The following MAP3K10 variants were observed in gnomAD, a reference collection of about 807,000 sequenced individuals.
The protein encoded by MAP3K10 is mitogen-activated protein kinase kinase kinase 10.
A neutral mutation model predicts 75.0 loss-of-function variants in MAP3K10; 22 were observed. The observed-to-expected ratio is 0.29, with a 90% CI of 0.21 to 0.42. The LOEUF (loss-of-function observed/expected upper bound fraction) is 0.42, where lower values mean the gene tolerates loss of function less well. Among genes scored for constraint, MAP3K10 ranks in the 10% least tolerant of loss-of-function variants. The pLI is 1.00. For synonymous variants in MAP3K10, 599 were observed against 612.9 expected (o/e 0.98, Z 0.34); for missense variants, 1,165 against 1,379.8 (o/e 0.84, Z 2.47).
chr19:40,214,931 GCCCCA>G, intron 9 of MAP3K10, 34 bp from the exon 10 acceptor site: 1 of 937,970 alleles, frequency 1.1e-6, no homozygotes, highest in Non-Finnish European at 1.7e-6. Flanking sequence ...GCCACCCTCT[GCCCCA>G]CCCCACTCAC....
chr19:40,202,916 G>A (rs530760744), intron 2 of MAP3K10, among the ~76,000 whole-genome samples: 3 of 152,358 alleles, frequency 2.0e-5, no homozygotes, highest in African/African-American at 7.2e-5. Context: ...CAGGCAGCAT[G>A]TGGCCAGCTC....
At position 40,194,207 on chromosome 19, in the gene MAP3K10, A is replaced by G. The variant is rs986609882; in HGVS notation, c.682+1494A>G. 2.6e-5 allele frequency among the ~76,000 whole-genome samples: 4 copies of G among 152,170 alleles called. 1 individual carries two copies. Among genetic ancestry groups the G allele is most frequent in the Admixed American group, 2.6e-4 (4 of 15,266 alleles). On this transcript the variant is annotated intron_variant, in intron 1 of 9. Coordinates refer to ENST00000253055, the MANE Select transcript of MAP3K10 (RefSeq NM_002446.4). ...GAAACCCCTTCTCTACTAAAAATACAAAAATTAGCTGGGCATGGTGGCATG... is the reference window on the plus strand; with the variant it reads ...GAAACCCCTTCTCTACTAAAAATACGAAAATTAGCTGGGCATGGTGGCATG...
At chr19:40,206,453 A>C in intron 5 of MAP3K10, 1 of 253,130 alleles carries the variant, frequency 4.0e-6, no homozygotes, top group Non-Finnish European at 7.4e-6. Flanking sequence ...GCATGCACTT[A>C]TAGTCCAAGC....
chr19:40,213,538 A>T lies in MAP3K10; in HGVS notation c.1859A>T (p.Asp620Val), dbSNP rs1023755963. The change falls in exon 9 of 10, where the codon GAT (aspartate) becomes GTT (valine). Residue 620 changes from aspartate to valine, a missense_variant. Coordinates refer to ENST00000253055, the MANE Select transcript of MAP3K10 (RefSeq NM_002446.4). This position sits in a 1 kb window ranked among gnomAD's most constrained non-coding sequence, Gnocchi z 5.7. ...GCAGAGGAGTTCGCGGAGGCAGAGG[A>T]TGGAGGCAGCAGCGTGCCCCCTTCC... ...NEMEEFAEAE[D>V]GGSSVPPSPY... 5.0e-6 allele frequency: 8 copies of T among 1,611,586 alleles called. No homozygotes were observed. In the African/African-American group the frequency reaches 9.4e-5, roughly 19 times the overall value.
Position 40,215,426 on chromosome 19 carries a change from G to A in MAP3K10, c.*134G>A. 1 of 831,348 alleles carries A rather than the reference G, an allele frequency of 1.2e-6. No homozygotes were observed. The highest frequency in any genetic ancestry group is 1.8e-6 in the Non-Finnish European group (1 of 544,076). The allele number at this position is 831,348 out of a possible 1,614,324, so 51.5% of individuals were successfully genotyped here. On this transcript the variant is annotated 3_prime_UTR_variant, in exon 10 of 10. Coordinates refer to ENST00000253055, the MANE Select transcript of MAP3K10 (RefSeq NM_002446.4). ...TATTTATTGGGGAAGGAGGGAGGGG[G>A]GGGACACTTAACTTATTCCTTTGTA...
rs573599807 is a variant in MAP3K10, at chr19:40,207,968, C to T, written c.1436-1135C>T. On this transcript the variant is annotated intron_variant, in intron 5 of 9. Transcript: ENST00000253055. The stretch of plus-strand genomic sequence containing the variant: ...GTCTTGAACTCCTGCGCTCAGGCAG[C>T]GCTCCCACTTTGGCCTCCCAAAGTG... Among the ~76,000 whole-genome samples the T allele has an allele frequency of 1.2e-3, 182 of 151,980 alleles. 5 individuals carry two copies. The South Asian group carries it at 0.036, about 30-fold the overall frequency.
At position 40,215,078 on chromosome 19, in the gene MAP3K10, C is replaced by T. The variant is rs1973326984; in HGVS notation, c.2651C>T (p.Ala884Val). The stretch of plus-strand genomic sequence containing the variant: ...GGCCGCCCCACCACCCTGACCTTTG[C>T]CCCGAGACCTCGGCCGGCTGCCAGT... ...FPGRPTTLTF[A>V]PRPRPAASRP... Residue 884 changes from alanine (A) to valine (V), a missense_variant, in exon 10 of 10, where the codon GCC (alanine) becomes GTC (valine). Around this residue, in one of 2 missense-constraint regions of MAP3K10, gnomAD observed 590 missense variants for 586.6 expected, o/e 1.01. Coordinates refer to ENST00000253055, the MANE Select transcript of MAP3K10 (RefSeq NM_002446.4). The T allele has an allele frequency of 6.2e-7, 1 of 1,609,866 alleles. No individual in the cohort carries two copies.
chr19:40,209,347 T>G lies in MAP3K10; in HGVS notation c.1552+128T>G. 3 of 611,466 alleles carry G rather than the reference T, an allele frequency of 4.9e-6. No individual in the cohort carries two copies. In the South Asian group the frequency reaches 6.6e-5, roughly 13 times the overall value. The allele number at this position is 611,466 out of a possible 1,614,324, so 37.9% of individuals were successfully genotyped here. On this transcript the variant is annotated intron_variant, in intron 6 of 9. Coordinates refer to ENST00000253055, the MANE Select transcript of MAP3K10 (RefSeq NM_002446.4). ...AAGACAGACAAGGCCCTTTTCCTCATTCTTATCACAGGAAACAGATAGTAA... is the reference window on the plus strand; with the variant it reads ...AAGACAGACAAGGCCCTTTTCCTCAGTCTTATCACAGGAAACAGATAGTAA...
intron 6 of MAP3K10, among the ~76,000 whole-genome samples, 155 bp downstream of exon 6, chr19:40,209,374 CAAAT>C (rs369973713): frequency 4.0e-5 from 6 of 151,844 alleles, no homozygotes; most frequent in Admixed American, 1.3e-4. Flanking sequence ...AGATAGTAAA[CAAAT>C]AAGTCAGTAA....
At chr19:40,199,025 C>A (rs1972969174) in intron 2 of MAP3K10, among the ~76,000 whole-genome samples, 1 of 152,102 alleles carries the variant, frequency 6.6e-6, no homozygotes. Flanking sequence ...CTGGGATTGG[C>A]CACTGCACTC....
Position 40,214,010 on chromosome 19 carries a change from A to ACCCACC in MAP3K10, c.2334_2335insACCCCC (p.Pro778_Ser779insThrPro). ...CCGCACCGGCCGCGCCCTCCCCACC[A>ACCCACC]CCCTCCCCGCCCGCGCCCACACCCA... On this transcript the variant is annotated inframe_insertion, in exon 9 of 10. Transcript: ENST00000253055. The ACCCACC allele has an allele frequency of 1.4e-6, 1 of 726,370 alleles. No homozygotes were observed. 45.0% of individuals were successfully genotyped at this position (726,370 alleles called of 1,614,324 possible). A position where few individuals can be genotyped will look rare whatever the true frequency, so the allele number is the denominator to read the frequency against.
rs372648324 is a variant in MAP3K10 at position 40,205,081 on chromosome 19, C to T, written c.1013-40C>T. ...AGTCCCCAGAGCATGACCACTGACACCTCCATGCCCCACCACTGTCCTTCC... is the reference window on the plus strand; with the variant it reads ...AGTCCCCAGAGCATGACCACTGACATCTCCATGCCCCACCACTGTCCTTCC... On this transcript the variant is annotated intron_variant, in intron 3 of 9. Transcript: ENST00000253055. This position sits in a 1 kb window ranked among gnomAD's most constrained non-coding sequence, Gnocchi z 4.3. 1.7e-5 allele frequency: 27 copies of T among 1,589,618 alleles called. No individual in the cohort carries two copies. Among genetic ancestry groups the T allele is most frequent in the Non-Finnish European group, 2.3e-5 (27 of 1,160,118 alleles).
chr19:40,209,237 C>T lies in MAP3K10; in HGVS notation c.1552+18C>T. On this transcript the variant is annotated intron_variant, in intron 6 of 9. Transcript: ENST00000253055. Reference sequence around the variant, plus strand: ...CATTCGCCGTGAGTATCTCCCAAGGCCCTGACCAGTCAGTCAGTCAGTGAA... The same window carrying T: ...CATTCGCCGTGAGTATCTCCCAAGGTCCTGACCAGTCAGTCAGTCAGTGAA... 6.3e-7 allele frequency: 1 copy of T among 1,595,658 alleles called. No individual in the cohort carries two copies. The highest frequency in any genetic ancestry group is 8.6e-7 in the Non-Finnish European group (1 of 1,163,944).
chr19:40,213,338 T>A lies in MAP3K10; in HGVS notation c.1837+150T>A, dbSNP rs1973276577. 6.9e-7 allele frequency: 1 copy of A among 1,445,478 alleles called. No homozygotes were observed. The highest frequency in any genetic ancestry group is 9.1e-7 in the Non-Finnish European group (1 of 1,104,054). The allele number at this position is 1,445,478 out of a possible 1,614,324, so 89.5% of individuals were successfully genotyped here. A position where few individuals can be genotyped will look rare whatever the true frequency, so the allele number is the denominator to read the frequency against. On this transcript the variant is annotated intron_variant, in intron 8 of 9. Coordinates refer to ENST00000253055, the MANE Select transcript of MAP3K10 (RefSeq NM_002446.4). The surrounding 1 kb of genome is among the most constrained non-coding windows in gnomAD (Gnocchi z 5.7). ...ATGGTGGCCCCTGGGGCGTGGGGGG[T>A]CATTTCCAGGGGCAGGGACCACCCT...
At chr19:40,201,420 C>G (rs1169546074) in intron 2 of MAP3K10, among the ~76,000 whole-genome samples, 1 of 150,792 alleles carries the variant, frequency 6.6e-6, no homozygotes, top group Non-Finnish European at 1.5e-5. Context: ...GCCTTGATCT[C>G]TTGACCTCAT....
chr19:40,198,310 G>A lies in MAP3K10; in HGVS notation c.683-65G>A. The A allele has an allele frequency of 1.3e-6, 2 of 1,485,032 alleles. No individual in the cohort carries two copies. Among genetic ancestry groups the A allele is most frequent in the East Asian group, 4.6e-5 (2 of 43,506 alleles). The allele number at this position is 1,485,032 out of a possible 1,614,324, so 92.0% of individuals were successfully genotyped here. A position where few individuals can be genotyped will look rare whatever the true frequency, so the allele number is the denominator to read the frequency against. On this transcript the variant is annotated intron_variant, in intron 1 of 9. Transcript: ENST00000253055. The surrounding 1 kb of genome is among the most constrained non-coding windows in gnomAD (Gnocchi z 4.3). ...GACGTGTTTCTAGCTGAGGCAGCGGGCCAGAACACTTGGGTCTGCGGCGTG... is the reference window on the plus strand; with the variant it reads ...GACGTGTTTCTAGCTGAGGCAGCGGACCAGAACACTTGGGTCTGCGGCGTG...
chr19:40,193,435 T>G (rs2145065617), intron 1 of MAP3K10, among the ~76,000 whole-genome samples: 1 of 152,332 alleles, frequency 6.6e-6, no homozygotes, highest in East Asian at 1.9e-4. Flanking sequence ...GATTGGTTGG[T>G]TGAATAAATA....
chr19:40,206,258 C>T lies in MAP3K10; in HGVS notation c.1435+101C>T, dbSNP rs1973120045. 7.2e-6 allele frequency: 10 copies of T among 1,384,846 alleles called. No homozygotes were observed. In the Admixed American group the frequency reaches 2.4e-4, roughly 33 times the overall value. 85.8% of individuals were successfully genotyped at this position (1,384,846 alleles called of 1,614,324 possible). On this transcript the variant is annotated intron_variant, in intron 5 of 9. Coordinates refer to ENST00000253055, the MANE Select transcript of MAP3K10 (RefSeq NM_002446.4). ...TTTCTTTTTCAACTTGTTTTTATTG[C>T]TAAATATATCGCACATAGTCAGTGA...
intron 2 of MAP3K10, among the ~76,000 whole-genome samples, chr19:40,200,612 CTTTT>C (rs71171548): frequency 2.5e-5 from 2 of 79,974 alleles, no homozygotes; most frequent in South Asian, 5.8e-4. Flanking sequence ...TTTGTGCTAC[CTTTT>C]TTTTTTTTTT....
Sources: allele counts gnomAD v4.1 joint callset (sites outside exome capture counted in the v4.1 genomes callset), GRCh38; gene constraint gnomAD v4.1.1; regional missense constraint gnomAD v4.1.1; non-coding constraint Gnocchi (gnomAD v3.1); transcripts MANE v1.5; gene names NCBI Gene and HGNC (gene_info 2026-07-23, HGNC 2026-07-21).